Variants in ATP8B4 observed in about 807,000 individuals in gnomAD.
The protein encoded by ATP8B4 is ATPase phospholipid transporting 8B4 (putative).
A neutral mutation model predicts 145.6 loss-of-function variants in ATP8B4; 133 were observed. The observed-to-expected ratio is 0.91, with a 90% CI of 0.79 to 1.05. The LOEUF (loss-of-function observed/expected upper bound fraction) is 1.05. ATP8B4 is among the 50% of genes least tolerant of loss of function. ATP8B4 has a pLI of 0.00. For missense variants in ATP8B4, 1,458 were observed against 1,425.2 expected (o/e 1.02, Z -0.37); for synonymous variants, 507 against 492.9 (o/e 1.03, Z -0.38).
intron 1 of ATP8B4, among the ~76,000 whole-genome samples, chr15:50,143,760 A>C (rs1286718527): frequency 1.3e-5 from 2 of 152,164 alleles, no homozygotes; most frequent in Admixed American, 1.3e-4. Context: ...ATGATTCTGC[A>C]TTCCTGACAG....
intron 2 of ATP8B4, among the ~76,000 whole-genome samples, chr15:50,095,034 C>G (rs1440992172): frequency 6.6e-6 from 1 of 151,998 alleles, no homozygotes; most frequent in Non-Finnish European, 1.5e-5. Context: ...CTGGAGAAGC[C>G]AAGAGCATCA....
intron 1 of ATP8B4, among the ~76,000 whole-genome samples, chr15:50,116,262 A>C (rs991228810): frequency 6.6e-6 from 1 of 152,136 alleles, no homozygotes; most frequent in Non-Finnish European, 1.5e-5. Flanking sequence ...TTCAAGTAAA[A>C]TAAAATAAAA....
Position 49,860,090 on chromosome 15 carries a change from C to A in ATP8B4, c.*104G>T. ...GCAGATTTAAGTTAAGTGAGGCAATCTGCCTGCCCCACCTCTTGCCTCAAA... is the reference window on the plus strand; with the variant it reads ...GCAGATTTAAGTTAAGTGAGGCAATATGCCTGCCCCACCTCTTGCCTCAAA... On this transcript the variant is annotated 3_prime_UTR_variant, in exon 28 of 28. Coordinates refer to ENST00000284509, the MANE Select transcript of ATP8B4 (RefSeq NM_024837.4). 1 of 1,380,982 alleles carries A rather than the reference C, an allele frequency of 7.2e-7. No individual in the cohort carries two copies. Among genetic ancestry groups the A allele is most frequent in the Non-Finnish European group, 9.8e-7 (1 of 1,017,856 alleles). 85.5% of individuals were successfully genotyped at this position (1,380,982 alleles called of 1,614,324 possible). A position where few individuals can be genotyped will look rare whatever the true frequency, so the allele number is the denominator to read the frequency against.
chr15:49,934,098 T>A lies in ATP8B4; in HGVS notation c.1372A>T (p.Lys458Ter), dbSNP rs763453780. 6.2e-7 allele frequency: 1 copy of A among 1,612,930 alleles called. No individual in the cohort carries two copies. The highest frequency in any genetic ancestry group is 1.1e-5 in the South Asian group (1 of 91,000). The change falls in exon 15 of 28, where the codon AAA (lysine) becomes TAA (stop). Residue 458 changes from lysine (K) to a stop codon, truncating the protein, a stop_gained. Coordinates refer to ENST00000284509, the MANE Select transcript of ATP8B4 (RefSeq NM_024837.4). LOFTEE classifies it high-confidence loss of function. The part of the protein sequence containing the change: ...FFDHHLMESI[K>*]MGDPKVHEFL... ...TCATGAACTTTGGGATCACCCATTT[T>A]AATGGATTCCATCAGATGGTGGTCA... is the stretch of plus-strand genomic sequence containing the variant.
chr15:50,066,101 G>A (rs2053365782), intron 3 of ATP8B4, among the ~76,000 whole-genome samples: 1 of 151,046 alleles, frequency 6.6e-6, no homozygotes, highest in Admixed American at 6.6e-5. Context: ...AAACAAATCA[G>A]ATGTCAAAAA....
intron 2 of ATP8B4, among the ~76,000 whole-genome samples, chr15:50,076,221 C>T (rs181507596): frequency 2.9e-4 from 44 of 152,230 alleles, no homozygotes; most frequent in Non-Finnish European, 4.3e-4. Flanking sequence ...GGGCTGGGTG[C>T]GGTGGCTCAC....
rs764150508 is a variant in ATP8B4 at position 49,897,343 on chromosome 15, T to C, written c.2646A>G (p.Ala882=). The change falls in exon 23 of 28, where the codon GCA becomes GCG. Residue 882 remains alanine, a synonymous_variant. Transcript: ENST00000284509. ...FLCYFFYKNF[A]FTLVHFWFGF... is the part of the protein sequence containing the mutation. ...CAAACCAGAAATGCACAAGTGTAAA[T>C]GCAAAATTCTTATAGAAGAAATAGC... 19 of 1,613,438 alleles carry C rather than the reference T, an allele frequency of 1.2e-5. No individual in the cohort carries two copies. The highest frequency in any genetic ancestry group is 1.6e-5 in the Non-Finnish European group (19 of 1,179,820).
intron 9 of ATP8B4, among the ~76,000 whole-genome samples, chr15:49,989,944 G>A (rs116978532): frequency 0.01 from 1,523 of 152,152 alleles, 12 homozygotes; most frequent in Non-Finnish European, 0.016. Context: ...GATCTTTGTC[G>A]AAGAGATGGA....
At chr15:49,989,365 A>G (rs746001400) in intron 9 of ATP8B4, among the ~76,000 whole-genome samples, 1 of 152,116 alleles carries the variant, frequency 6.6e-6, no homozygotes, top group African/African-American at 2.4e-5. Flanking sequence ...CAACGCTTGA[A>G]GTTTATTCCA....
rs370283733 is a variant in ATP8B4, at chr15:49,898,099, A to T, written c.2442T>A (p.Gly814=). 83 of 1,613,724 alleles carry T rather than the reference A, an allele frequency of 5.1e-5. No individual in the cohort carries two copies. Among genetic ancestry groups the T allele is most frequent in the Non-Finnish European group, 8.5e-6 (10 of 1,179,856 alleles). The change falls in exon 22 of 28, where the codon GGT becomes GGA. Residue 814 remains glycine (G), a synonymous_variant. Coordinates refer to ENST00000284509, the MANE Select transcript of ATP8B4 (RefSeq NM_024837.4). ...TCATGCTGACATCATTGGCTCCATC[A>T]CCAATGGCCAAAGTAACAGCATTTC... ...KYRNAVTLAI[G]DGANDVSMIK...
rs538055768 is a variant in ATP8B4, at chr15:49,953,107, C to T, written c.1287+8870G>A. Among the ~76,000 whole-genome samples the T allele has an allele frequency of 3.2e-4, 49 of 152,046 alleles. 1 individual carries two copies. Among genetic ancestry groups the T allele is most frequent in the Non-Finnish European group, 6.6e-4 (45 of 68,040 alleles). Reference sequence around the variant, plus strand: ...CTCCTTCTTCTGGGACCTCTGACCTCGAGGGGCACCAACCTGATGCCAGTA... The same window carrying T: ...CTCCTTCTTCTGGGACCTCTGACCTTGAGGGGCACCAACCTGATGCCAGTA... On this transcript the variant is annotated intron_variant, in intron 14 of 27. Coordinates refer to ENST00000284509, the MANE Select transcript of ATP8B4 (RefSeq NM_024837.4).
At chr15:49,987,954 T>C (rs2046760022) in intron 9 of ATP8B4, among the ~76,000 whole-genome samples, 1 of 152,244 alleles carries the variant, frequency 6.6e-6, no homozygotes, top group Non-Finnish European at 1.5e-5. Context: ...CAGTTTAAAA[T>C]AGCATACTTC....
chr15:50,031,453 G>T (rs902131802), intron 6 of ATP8B4, among the ~76,000 whole-genome samples: 1 of 152,038 alleles, frequency 6.6e-6, no homozygotes, highest in African/African-American at 2.4e-5. Context: ...ACTCAATGGA[G>T]GGTACATCAA....
intron 6 of ATP8B4, among the ~76,000 whole-genome samples, chr15:50,030,494 A>C (rs2050352448): frequency 6.6e-6 from 1 of 152,216 alleles, no homozygotes; most frequent in Non-Finnish European, 1.5e-5. Flanking sequence ...GGAGCCAGCT[A>C]CACTGAGCAC....
At chr15:50,014,558 G>C (rs1420654266) in intron 6 of ATP8B4, among the ~76,000 whole-genome samples, 2 of 152,066 alleles carry the variant, frequency 1.3e-5, no homozygotes, top group South Asian at 2.1e-4. Context: ...TTCATGTATA[G>C]AGCGCCAAAT....
intron 7 of ATP8B4, among the ~76,000 whole-genome samples, chr15:50,003,927 T>C (rs1179104139): frequency 2.0e-5 from 3 of 152,072 alleles, no homozygotes; most frequent in African/African-American, 7.2e-5. Flanking sequence ...GGCGGTCAGA[T>C]TCTCTCCTGA....
chr15:50,136,671 G>A (rs1206529846), intron 1 of ATP8B4, among the ~76,000 whole-genome samples: 1 of 152,188 alleles, frequency 6.6e-6, no homozygotes, highest in Non-Finnish European at 1.5e-5. Flanking sequence ...GTGGTACTGA[G>A]AACACAGGAC....
Position 49,948,718 on chromosome 15 carries a change from A to G in ATP8B4, c.1287+13259T>C, listed in dbSNP as rs2042798964. ...TATTAGACCTTTGTCAGATGGGTAG[A>G]TTGCAAAATTTTTCTCCCATTCTGT... is the stretch of plus-strand genomic sequence containing the variant. On this transcript the variant is annotated intron_variant, in intron 14 of 27. Transcript: ENST00000284509. 2.0e-5 allele frequency among the ~76,000 whole-genome samples: 3 copies of G among 152,160 alleles called. No individual in the cohort carries two copies. In the South Asian group the frequency reaches 6.2e-4, roughly 31 times the overall value.
intron 17 of ATP8B4, among the ~76,000 whole-genome samples, chr15:49,922,921 A>C (rs1163797451): frequency 6.6e-6 from 1 of 152,212 alleles, no homozygotes; most frequent in Non-Finnish European, 1.5e-5. Context: ...GAAAGTGTGC[A>C]CCAGAGACTA....
Sources: gnomAD v4.1 joint callset for allele counts (sites outside exome capture counted in the v4.1 genomes callset) on GRCh38, gnomAD v4.1.1 for gene constraint, MANE v1.5 for transcripts, NCBI Gene and HGNC (gene_info 2026-07-23, HGNC 2026-07-21) for gene names.